Variants in ABTB2 observed in about 807,000 individuals in gnomAD.
The protein encoded by ABTB2 is ankyrin repeat and BTB/POZ domain-containing protein 2.
Under a neutral mutation model 104.1 loss-of-function variants are expected in ABTB2, and 56 were observed. The ratio of observed to expected loss-of-function variants is 0.54; its 90% CI spans 0.43 to 0.67. The LOEUF (loss-of-function observed/expected upper bound fraction) is 0.67. ABTB2 is among the 30% of genes least tolerant of loss of function. The pLI is 0.00. For synonymous variants in ABTB2, 606 were observed against 608.2 expected (o/e 1.00, Z 0.05); for missense variants, 1,279 against 1,407.7 (o/e 0.91, Z 1.46).
intron 1 of ABTB2, among the ~76,000 whole-genome samples, chr11:34,238,900 C>T (rs1405204421): frequency 2.6e-5 from 4 of 152,046 alleles, no homozygotes; most frequent in African/African-American, 9.7e-5. Context: ...ACTACAGGCG[C>T]GTGCCACCAC....
At chr11:34,339,601 T>C (rs1047715178) in intron 1 of ABTB2, among the ~76,000 whole-genome samples, 2 of 152,086 alleles carry the variant, frequency 1.3e-5, no homozygotes, top group African/African-American at 4.8e-5. Context: ...CCTTGTGTCC[T>C]TCCTGTTTTC....
At chr11:34,158,361 C>A (rs533152411) in intron 14 of ABTB2, among the ~76,000 whole-genome samples, 1 of 151,982 alleles carries the variant, frequency 6.6e-6, no homozygotes, top group Non-Finnish European at 1.5e-5. Context: ...TGCAGTGAGC[C>A]GAGATCATGC....
Position 34,357,059 on chromosome 11 carries a change from C to G in ABTB2, c.525G>C (p.Ala175=). ...VHSWALAESC[A]LAAVKALSLY... is the part of the protein sequence containing the mutation. ...GGGACAGCGCCTTGACGGCTGCCAG[C>G]GCGCAGCTCTCGGCCAGCGCCCAGC... Residue 175 remains alanine, a synonymous_variant, in exon 1 of 17, where the codon GCG becomes GCC. Coordinates refer to ENST00000435224, the MANE Select transcript of ABTB2 (RefSeq NM_145804.3). 2.0e-6 allele frequency: 3 copies of G among 1,525,946 alleles called. No homozygotes were observed. The highest frequency in any genetic ancestry group is 2.6e-6 in the Non-Finnish European group (3 of 1,138,018). The allele number at this position is 1,525,946 out of a possible 1,614,324, so 94.5% of individuals were successfully genotyped here.
intron 3 of ABTB2, among the ~76,000 whole-genome samples, chr11:34,176,248 C>T (rs1852959614): frequency 7.0e-6 from 1 of 142,394 alleles, no homozygotes; most frequent in South Asian, 2.2e-4. Context: ...CCACTGCACT[C>T]CAGCCAGGGT....
chr11:34,255,121 C>A (rs1854105168), intron 1 of ABTB2, among the ~76,000 whole-genome samples: 1 of 152,184 alleles, frequency 6.6e-6, no homozygotes. Context: ...CACATTTATG[C>A]CATTTACAGA....
chr11:34,274,042 C>T (rs1168014310), intron 1 of ABTB2, among the ~76,000 whole-genome samples: 1 of 149,958 alleles, frequency 6.7e-6, no homozygotes, highest in Non-Finnish European at 1.5e-5. Context: ...GTCCCAGCTA[C>T]TCGGGAGGCT....
chr11:34,243,281 A>G (rs1377002511), intron 1 of ABTB2, among the ~76,000 whole-genome samples: 1 of 152,056 alleles, frequency 6.6e-6, no homozygotes, highest in Non-Finnish European at 1.5e-5. Context: ...GCAAATATAT[A>G]TATATATTTT....
At chr11:34,341,060 T>C (rs1462125058) in intron 1 of ABTB2, among the ~76,000 whole-genome samples, 1 of 152,224 alleles carries the variant, frequency 6.6e-6, no homozygotes, top group East Asian at 1.9e-4. Context: ...CTCTGCGGGA[T>C]ACTGTGTGGC....
Position 34,230,731 on chromosome 11 carries a change from G to A in ABTB2, c.884-26041C>T, listed in dbSNP as rs1172435888. Reference sequence around the variant, plus strand: ...CAAGAGGCTTACAGTGCCTCTTCCAGTCCTTTTCCTCTTATTTCCATCATG... The same window carrying A: ...CAAGAGGCTTACAGTGCCTCTTCCAATCCTTTTCCTCTTATTTCCATCATG... On this transcript the variant is annotated intron_variant, in intron 1 of 16. Coordinates refer to ENST00000435224, the MANE Select transcript of ABTB2 (RefSeq NM_145804.3). 2.6e-5 allele frequency among the ~76,000 whole-genome samples: 4 copies of A among 152,112 alleles called. No homozygotes were observed. The South Asian group carries it at 6.2e-4, about 24-fold the overall frequency.
intron 1 of ABTB2, among the ~76,000 whole-genome samples, chr11:34,232,848 T>C (rs1590224712): frequency 1.3e-5 from 2 of 152,042 alleles, no homozygotes; most frequent in East Asian, 3.9e-4. Context: ...TGGTCCCAGC[T>C]TCTTGGGAAG....
intron 3 of ABTB2, among the ~76,000 whole-genome samples, chr11:34,186,534 A>G (rs1654153777): frequency 6.6e-6 from 1 of 152,188 alleles, no homozygotes; most frequent in African/African-American, 2.4e-5. Flanking sequence ...ACTGCAGACA[A>G]AGGGGATTGT....
chr11:34,179,479 C>T (rs1217360519), intron 3 of ABTB2, among the ~76,000 whole-genome samples: 2 of 152,280 alleles, frequency 1.3e-5, no homozygotes, highest in East Asian at 3.9e-4. Flanking sequence ...GCTGGCATTT[C>T]GCCCCTGGTG....
At chr11:34,289,769 C>T (rs1252432574) in intron 1 of ABTB2, among the ~76,000 whole-genome samples, 1 of 152,106 alleles carries the variant, frequency 6.6e-6, no homozygotes, top group Admixed American at 6.6e-5. Flanking sequence ...AGCACAAGAC[C>T]CTCAGACCAG....
intron 1 of ABTB2, among the ~76,000 whole-genome samples, chr11:34,230,399 C>CCTTT (rs1853753405): frequency 6.6e-6 from 1 of 152,178 alleles, no homozygotes; most frequent in African/African-American, 2.4e-5. Context: ...AAGTCCTCAG[C>CCTTT]CTTTCTGCAG....
chr11:34,310,120 C>T (rs1854831960), intron 1 of ABTB2, among the ~76,000 whole-genome samples: 1 of 152,160 alleles, frequency 6.6e-6, no homozygotes, highest in Non-Finnish European at 1.5e-5. Context: ...ATGTCTCCTG[C>T]TCATCAATGA....
chr11:34,253,290 C>T (rs1854078249), intron 1 of ABTB2, among the ~76,000 whole-genome samples: 1 of 152,216 alleles, frequency 6.6e-6, no homozygotes, highest in Non-Finnish European at 1.5e-5. Context: ...ACAGGGAGCA[C>T]TGTTCATGTC....
At chr11:34,256,144 C>T (rs982814375) in intron 1 of ABTB2, among the ~76,000 whole-genome samples, 2 of 123,506 alleles carry the variant, frequency 1.6e-5, no homozygotes, top group Admixed American at 7.9e-5. Flanking sequence ...ACACTGCCGT[C>T]GGTTTTATCA....
intron 1 of ABTB2, among the ~76,000 whole-genome samples, chr11:34,334,774 T>G (rs934883149): frequency 2.0e-5 from 3 of 152,068 alleles, no homozygotes; most frequent in Admixed American, 6.5e-5. Context: ...TTGGGTTTTT[T>G]TTTTTTTTCG....
chr11:34,337,977 G>A (rs1181135184), intron 1 of ABTB2, among the ~76,000 whole-genome samples: 1 of 151,818 alleles, frequency 6.6e-6, no homozygotes, highest in Non-Finnish European at 1.5e-5. Context: ...AGGGTCCTTT[G>A]CCCCATACAT....
Sources: allele counts gnomAD v4.1 joint callset (sites outside exome capture counted in the v4.1 genomes callset), GRCh38; gene constraint gnomAD v4.1.1; transcripts MANE v1.5; gene names NCBI Gene and HGNC (gene_info 2026-07-23, HGNC 2026-07-21).